DLG2: variants seen among roughly 807,000 people sequenced by gnomAD.
DLG2 encodes the protein disks large homolog 2.
In DLG2, 45 loss-of-function variants were observed where a neutral mutation model predicts 132.5. The ratio of observed to expected loss-of-function variants is 0.34; its 90% CI spans 0.27 to 0.44. The LOEUF (loss-of-function observed/expected upper bound fraction) is 0.44. Ranked by LOEUF, DLG2 falls within the 20% of genes least tolerant of loss-of-function variation. The pLI is 1.00. For synonymous variants in DLG2, 424 were observed against 419.6 expected (o/e 1.01, Z -0.13); for missense variants, 1,045 against 1,196.9 (o/e 0.87, Z 1.87).
intron 17 of DLG2, among the ~76,000 whole-genome samples, chr11:83,796,736 AC>A (rs2042916030): frequency 1.3e-5 from 2 of 152,188 alleles, no homozygotes; most frequent in African/African-American, 2.4e-5. Context: ...AGAGATAAAC[AC>A]AGTATTGAAA....
intron 4 of DLG2, among the ~76,000 whole-genome samples, chr11:85,171,480 A>C (rs1257259052): frequency 6.6e-6 from 1 of 152,208 alleles, no homozygotes; most frequent in Non-Finnish European, 1.5e-5. Context: ...GAAACTCCAC[A>C]TAATGGCCAC....
At chr11:84,755,364 G>A (rs1341185078) in intron 6 of DLG2, among the ~76,000 whole-genome samples, 1 of 152,152 alleles carries the variant, frequency 6.6e-6, no homozygotes, top group Non-Finnish European at 1.5e-5. Context: ...CTGATTTCTG[G>A]GCTGGGCCTG....
intron 3 of DLG2, among the ~76,000 whole-genome samples, chr11:85,311,029 A>T (rs1392609782): frequency 6.6e-6 from 1 of 152,164 alleles, no homozygotes; most frequent in Non-Finnish European, 1.5e-5. Context: ...ACCTGCCCCC[A>T]CAGTCTGTTT....
chr11:83,767,619 C>T (rs1441713652), intron 18 of DLG2, among the ~76,000 whole-genome samples: 1 of 152,196 alleles, frequency 6.6e-6, no homozygotes, highest in Non-Finnish European at 1.5e-5. Flanking sequence ...CCTTTCTGTG[C>T]CTTTGTTTCT....
intron 3 of DLG2, among the ~76,000 whole-genome samples, chr11:85,297,926 T>A (rs1472578519): frequency 1.3e-5 from 2 of 152,160 alleles, no homozygotes; most frequent in Non-Finnish European, 2.9e-5. Flanking sequence ...ATAGGCTACA[T>A]AATGTCTGAG....
intron 16 of DLG2, among the ~76,000 whole-genome samples, chr11:83,854,780 G>A (rs949867090): frequency 2.0e-5 from 3 of 152,060 alleles, no homozygotes; most frequent in Admixed American, 2.0e-4. Context: ...TAGAACATAT[G>A]TTTTTAACAT....
intron 24 of DLG2, 37 bp downstream of exon 24, chr11:83,471,587 CTT>C: frequency 6.9e-7 from 1 of 1,456,044 alleles, no homozygotes; most frequent in Non-Finnish European, 9.6e-7. Context: ...AATCCAAGCT[CTT>C]TTTGTTTTTC....
intron 8 of DLG2, among the ~76,000 whole-genome samples, chr11:84,228,606 G>A (rs2097044366): frequency 6.6e-6 from 1 of 152,190 alleles, no homozygotes; most frequent in South Asian, 2.1e-4. Flanking sequence ...TGAAAGAAAA[G>A]TGGGTTGTTT....
chr11:83,610,531 C>A (rs1025995363), intron 19 of DLG2, among the ~76,000 whole-genome samples: 42 of 134,108 alleles, frequency 3.1e-4, no homozygotes, highest in Non-Finnish European at 5.7e-4. Flanking sequence ...GGCAGTATAG[C>A]AACCAACTAT....
intron 4 of DLG2, among the ~76,000 whole-genome samples, chr11:85,266,980 A>G (rs531387819): frequency 6.6e-6 from 1 of 152,218 alleles, no homozygotes; most frequent in African/African-American, 2.4e-5. Context: ...CATAATTCAA[A>G]CTCAGTGGAC....
chr11:85,045,838 GAGA>G (rs1417449437), intron 6 of DLG2, among the ~76,000 whole-genome samples: 2 of 152,076 alleles, frequency 1.3e-5, no homozygotes, highest in African/African-American at 2.4e-5. Flanking sequence ...CATTTTGGAA[GAGA>G]AGAATAACTT....
At chr11:84,746,554 T>C (rs2065391543) in intron 6 of DLG2, among the ~76,000 whole-genome samples, 1 of 152,172 alleles carries the variant, frequency 6.6e-6, no homozygotes, top group Middle Eastern at 3.2e-3. Flanking sequence ...GCTCAGTTTC[T>C]ATATCTATAA....
At chr11:85,589,659 A>G (rs2079186982) in intron 3 of DLG2, among the ~76,000 whole-genome samples, 1 of 151,940 alleles carries the variant, frequency 6.6e-6, no homozygotes, top group Non-Finnish European at 1.5e-5. Context: ...CCCAGCTTTT[A>G]CCCAGTTGGT....
At chr11:83,686,090 G>C (rs1056368880) in intron 18 of DLG2, among the ~76,000 whole-genome samples, 1 of 151,870 alleles carries the variant, frequency 6.6e-6, no homozygotes, top group Non-Finnish European at 1.5e-5. Context: ...CTCCTCACTG[G>C]TTTCTTTGTT....
intron 7 of DLG2, among the ~76,000 whole-genome samples, chr11:84,466,008 T>C (rs930288222): frequency 2.6e-4 from 40 of 151,100 alleles, no homozygotes; most frequent in African/African-American, 9.7e-4. Flanking sequence ...AATACAGAAA[T>C]AAGGTTGAGA....
At chr11:85,395,578 A>C (rs1047986765) in intron 3 of DLG2, among the ~76,000 whole-genome samples, 1 of 152,188 alleles carries the variant, frequency 6.6e-6, no homozygotes, top group Non-Finnish European at 1.5e-5. Flanking sequence ...CCACAGTCCT[A>C]GCAACCAGCA....
intron 3 of DLG2, among the ~76,000 whole-genome samples, chr11:85,504,218 T>G (rs1295877735): frequency 6.6e-6 from 1 of 152,128 alleles, no homozygotes; most frequent in Non-Finnish European, 1.5e-5. Flanking sequence ...TTAGTTTAAT[T>G]AGATCCCATT....
intron 19 of DLG2, among the ~76,000 whole-genome samples, chr11:83,623,439 T>C (rs1328557931): frequency 6.6e-6 from 1 of 152,240 alleles, no homozygotes; most frequent in African/African-American, 2.4e-5. Flanking sequence ...CAGCAGTTAC[T>C]ATATGCCAGA....
chr11:84,922,719 A>G (rs913695774), intron 6 of DLG2, among the ~76,000 whole-genome samples: 4 of 152,134 alleles, frequency 2.6e-5, no homozygotes, highest in African/African-American at 4.8e-5. Context: ...GCACTTTTTA[A>G]AAGAAAGACA....
Sources: allele counts gnomAD v4.1 joint callset (sites outside exome capture counted in the v4.1 genomes callset), GRCh38; gene constraint gnomAD v4.1.1; transcripts MANE v1.5; gene names NCBI Gene and HGNC (gene_info 2026-07-23, HGNC 2026-07-21).